SLC22A15: variants seen among roughly 807,000 people sequenced by gnomAD.
The protein encoded by SLC22A15 is flipt 1.
A neutral mutation model predicts 62.7 loss-of-function variants in SLC22A15; 45 were observed. That is an observed-to-expected ratio of 0.72 (90% confidence interval 0.56 to 0.92). SLC22A15 has a LOEUF of 0.92. Among genes scored for constraint, SLC22A15 ranks in the 40% least tolerant of loss-of-function variants. The pLI, the probability that SLC22A15 is intolerant of heterozygous loss-of-function variation, is 0.00. For missense variants in SLC22A15, 622 were observed against 665.6 expected (o/e 0.93, Z 0.72); for synonymous variants, 264 against 267.0 (o/e 0.99, Z 0.11).
At chr1:116,063,779 G>C (rs762714550) in intron 9 of SLC22A15, among the ~76,000 whole-genome samples, 13 of 151,944 alleles carry the variant, frequency 8.6e-5, no homozygotes, top group Non-Finnish European at 1.6e-4. Flanking sequence ...TTTTCAGCTG[G>C]GATTACAGAG....
At chr1:116,051,080 A>G (rs951160931) in intron 8 of SLC22A15, among the ~76,000 whole-genome samples, 2 of 152,234 alleles carry the variant, frequency 1.3e-5, no homozygotes, top group South Asian at 2.1e-4. Context: ...GATTACACAA[A>G]TAAATAGAAA....
rs1473105064 is a variant in SLC22A15 at position 116,001,949 on chromosome 1, T to C, written c.300+9706T>C. On this transcript the variant is annotated intron_variant, in intron 2 of 11. Transcript: ENST00000369503. ...TAGGTACTTATTCTAATCTTTGCAG[T>C]CTGGGCTTGTTTGTACTTGTCTTTC... is the stretch of plus-strand genomic sequence containing the variant. Among the ~76,000 whole-genome samples the C allele has an allele frequency of 2.6e-5, 4 of 152,160 alleles. No individual in the cohort carries two copies. The East Asian group carries it at 7.7e-4, about 29-fold the overall frequency.
intron 1 of SLC22A15, among the ~76,000 whole-genome samples, chr1:115,988,367 A>G (rs1467932646): frequency 2.0e-5 from 3 of 152,154 alleles, no homozygotes; most frequent in Non-Finnish European, 2.9e-5. Context: ...AAGGAATACT[A>G]TGTGAGCTGT....
In SLC22A15 at chr1:116,016,096, C is replaced by A. The variant is rs183566575; in HGVS notation, c.301-3486C>A. Among the ~76,000 whole-genome samples, 283 of 149,104 alleles carry A rather than the reference C, an allele frequency of 1.9e-3. 2 individuals carry two copies. Among genetic ancestry groups the A allele is most frequent in the Admixed American group, 4.0e-3 (59 of 14,918 alleles). ...TCTTTCTTTTTCTTTTCTTTTCTTTCTCTCTTTCTCTCCTTCTTTCTCTCT... is the reference window on the plus strand; with the variant it reads ...TCTTTCTTTTTCTTTTCTTTTCTTTATCTCTTTCTCTCCTTCTTTCTCTCT... On this transcript the variant is annotated intron_variant, in intron 2 of 11. Transcript: ENST00000369503.
chr1:116,064,233 A>G (rs1658445219), intron 9 of SLC22A15, among the ~76,000 whole-genome samples: 1 of 151,664 alleles, frequency 6.6e-6, no homozygotes, highest in Non-Finnish European at 1.5e-5. Flanking sequence ...GCTTGTGTCT[A>G]GTGGCTTCCA....
chr1:116,056,609 G>A (rs1202957092), intron 8 of SLC22A15, among the ~76,000 whole-genome samples: 1 of 151,702 alleles, frequency 6.6e-6, no homozygotes, highest in Non-Finnish European at 1.5e-5. Context: ...TCAATCCTAA[G>A]CCAAAAGAAC....
chr1:116,003,641 C>T (rs1361859443), intron 2 of SLC22A15, among the ~76,000 whole-genome samples: 5 of 152,154 alleles, frequency 3.3e-5, no homozygotes, highest in Non-Finnish European at 7.3e-5. Context: ...TCACTGTGCT[C>T]TCTGCTTCCC....
chr1:116,026,347 G>T (rs1032581668), intron 4 of SLC22A15, among the ~76,000 whole-genome samples: 1 of 151,984 alleles, frequency 6.6e-6, no homozygotes, highest in Non-Finnish European at 1.5e-5. Flanking sequence ...GAACCCGGGA[G>T]CCTGGGAGGT....
intron 2 of SLC22A15, among the ~76,000 whole-genome samples, chr1:115,993,451 G>T (rs1352454447): frequency 6.7e-6 from 1 of 150,032 alleles, no homozygotes; most frequent in South Asian, 2.1e-4. Context: ...GTGTGTGTGT[G>T]TGTGTGTCTG....
chr1:116,044,406 A>G (rs563741700), intron 8 of SLC22A15, among the ~76,000 whole-genome samples: 135 of 152,360 alleles, frequency 8.9e-4, no homozygotes, highest in African/African-American at 3.2e-3. Flanking sequence ...GATAAAGAGT[A>G]TTAAGGGAAA....
chr1:116,040,211 A>G (rs558019093), intron 8 of SLC22A15, among the ~76,000 whole-genome samples: 3 of 152,342 alleles, frequency 2.0e-5, no homozygotes, highest in South Asian at 2.1e-4. Context: ...CCTTTGGTTT[A>G]TAATTGTTAG....
At chr1:116,015,759 T>TAA (rs1219248357) in intron 2 of SLC22A15, among the ~76,000 whole-genome samples, 1 of 152,000 alleles carries the variant, frequency 6.6e-6, no homozygotes, top group African/African-American at 2.4e-5. Flanking sequence ...ACTAAGAACA[T>TAA]AAATTTTAAA....
intron 2 of SLC22A15, among the ~76,000 whole-genome samples, chr1:116,000,558 C>CTGTATT (rs1196314079): frequency 1.3e-5 from 2 of 149,004 alleles, no homozygotes; most frequent in African/African-American, 2.5e-5. Context: ...TTATAATATT[C>CTGTATT]TGTATTTGTC....
In SLC22A15 at chr1:116,068,687, T is replaced by C. The variant is rs902764694; in HGVS notation, c.*1579T>C. 6.6e-6 allele frequency: 1 copy of C among 152,108 alleles called. No individual in the cohort carries two copies. Among genetic ancestry groups the C allele is most frequent in the African/African-American group, 2.4e-5 (1 of 41,420 alleles). The allele number at this position is 152,108 out of a possible 1,614,324, so 9.4% of individuals were successfully genotyped here. ...TTACTGTTTCTAGCCATCAGGGAGA[T>C]TGTGGAACTCCTCCCAGTATAATTT... On this transcript the variant is annotated 3_prime_UTR_variant, in exon 12 of 12. Coordinates refer to ENST00000369503, the MANE Select transcript of SLC22A15 (RefSeq NM_018420.3).
At chr1:116,052,446 T>C (rs895669124) in intron 8 of SLC22A15, among the ~76,000 whole-genome samples, 1 of 152,232 alleles carries the variant, frequency 6.6e-6, no homozygotes, top group Non-Finnish European at 1.5e-5. Context: ...TGCCTCCTTC[T>C]GTAGGCTCCA....
At chr1:116,022,631 C>T (rs1473234885) in intron 4 of SLC22A15, among the ~76,000 whole-genome samples, 1 of 152,220 alleles carries the variant, frequency 6.6e-6, no homozygotes, top group East Asian at 1.9e-4. Flanking sequence ...AGGACCAACC[C>T]TGGTCTCTTG....
intron 2 of SLC22A15, among the ~76,000 whole-genome samples, chr1:116,015,827 T>C (rs914243378): frequency 6.6e-6 from 1 of 152,164 alleles, no homozygotes; most frequent in Non-Finnish European, 1.5e-5. Context: ...GCTGTGTACA[T>C]TGGCCACTGT....
At chr1:115,981,642 A>G (rs543678835) in intron 1 of SLC22A15, among the ~76,000 whole-genome samples, 13 of 152,296 alleles carry the variant, frequency 8.5e-5, no homozygotes, top group African/African-American at 3.1e-4. Flanking sequence ...TCCTCCAGGG[A>G]GGCTGTAGAG....
chr1:116,032,699 G>C lies in SLC22A15; in HGVS notation c.944+1118G>C, dbSNP rs924651546. On this transcript the variant is annotated intron_variant, in intron 6 of 11. Transcript: ENST00000369503. The stretch of plus-strand genomic sequence containing the variant: ...GATGCATAATAAATGTTGAGGCTTG[G>C]AGGCATGGAGATTAAGAAAACCGTT... 20 of 938,252 alleles carry C rather than the reference G, an allele frequency of 2.1e-5. No individual in the cohort carries two copies. The African/African-American group carries it at 3.6e-4, about 17-fold the overall frequency. 58.1% of individuals were successfully genotyped at this position (938,252 alleles called of 1,614,324 possible).
Sources: gnomAD v4.1 joint callset for allele counts (sites outside exome capture counted in the v4.1 genomes callset) on GRCh38, gnomAD v4.1.1 for gene constraint, MANE v1.5 for transcripts, NCBI Gene and HGNC (gene_info 2026-07-23, HGNC 2026-07-21) for gene names.